Variants in STIP1 observed in about 807,000 individuals in gnomAD.
STIP1 encodes stress induced phosphoprotein 1.
In STIP1, 16 loss-of-function variants were observed where a neutral mutation model predicts 77.4. The observed-to-expected ratio is 0.21, with a 90% CI of 0.14 to 0.31. STIP1 has a LOEUF of 0.31. Ranked by LOEUF, STIP1 falls within the 10% of genes least tolerant of loss-of-function variation. The pLI is 1.00. For synonymous variants in STIP1, 258 were observed against 246.6 expected, an observed-to-expected ratio of 1.05 and a Z score of -0.44; for missense variants, 524 against 684.8, an observed-to-expected ratio of 0.77 and a Z score of 2.62.
chr11:64,186,159 C>G, upstream of STIP1: 2 of 1,550,574 alleles, frequency 1.3e-6, no homozygotes, highest in South Asian at 1.2e-5. Flanking sequence ...GGGCGGGAGC[C>G]GGGGTCCCGG....
intron 4 of STIP1, among the ~76,000 whole-genome samples, chr11:64,195,002 T>C (rs1946132857): frequency 6.6e-6 from 1 of 152,228 alleles, no homozygotes; most frequent in East Asian, 1.9e-4. Flanking sequence ...CTATCAATCC[T>C]CTGGCTCCTG....
chr11:64,185,996 C>T (rs997332267), upstream of STIP1: 29 of 1,542,602 alleles, frequency 1.9e-5, no homozygotes, highest in East Asian at 4.9e-5. Context: ...GAGGAGCGCC[C>T]AATCCTGAGG....
At position 64,186,221 on chromosome 11, in the gene STIP1, G is replaced by C. The variant is rs200778249; in HGVS notation, c.-41G>C. 7.4e-4 allele frequency: 1,141 copies of C among 1,550,784 alleles called. 11 individuals are homozygous for C. Among genetic ancestry groups the C allele is most frequent in the Non-Finnish European group, 3.6e-4 (408 of 1,146,954 alleles). On this transcript the variant is annotated 5_prime_UTR_variant, in exon 1 of 14. Transcript: ENST00000305218. Reference sequence around the variant, plus strand: ...GCGCGTGCGGTTGGGAACGCGGAGCGGACGGATTCGATTCAACGGGGTTCC... The same window carrying C: ...GCGCGTGCGGTTGGGAACGCGGAGCCGACGGATTCGATTCAACGGGGTTCC...
chr11:64,186,727 G>A (rs1946024349), intron 1 of STIP1, among the ~76,000 whole-genome samples: 1 of 152,212 alleles, frequency 6.6e-6, no homozygotes, highest in Non-Finnish European at 1.5e-5. Context: ...TAGCCACGAG[G>A]AACTTGGACG....
At chr11:64,200,377 G>A in intron 10 of STIP1, 84 bp downstream of exon 10, 2 of 1,524,746 alleles carry the variant, frequency 1.3e-6, no homozygotes, top group South Asian at 2.6e-5. Context: ...TCAACATTGA[G>A]TTGATGATGA....
At chr11:64,186,019 AG>A, upstream of STIP1, 2 of 1,544,608 alleles carry the variant, frequency 1.3e-6, no homozygotes, top group Admixed American at 3.9e-5. Flanking sequence ...CGGGGGAGGC[AG>A]GGTTGAGGGA....
intron 13 of STIP1, chr11:64,203,823 G>A (rs1473985976): frequency 6.4e-5 from 50 of 781,648 alleles, no homozygotes; most frequent in Non-Finnish European, 8.7e-5. Flanking sequence ...ATTTGGAAAG[G>A]CCCATTTAGC....
chr11:64,188,059 GA>G (rs1472952009), intron 1 of STIP1, among the ~76,000 whole-genome samples: 1 of 144,172 alleles, frequency 6.9e-6, no homozygotes, highest in East Asian at 2.0e-4. Context: ...AAAAAAAAAG[GA>G]TCTCGGCTGG....
In STIP1 at chr11:64,197,845, C is replaced by A; in HGVS notation, c.903-9C>A. 6.2e-7 allele frequency: 1 copy of A among 1,610,964 alleles called. No individual in the cohort carries two copies. Among genetic ancestry groups the A allele is most frequent in the East Asian group, 2.2e-5 (1 of 44,874 alleles). On this transcript the variant is annotated splice_polypyrimidine_tract_variant and intron_variant, in intron 7 of 13. Coordinates refer to ENST00000305218, the MANE Select transcript of STIP1 (RefSeq NM_006819.3). The stretch of plus-strand genomic sequence containing the variant: ...TCCTAAGCAGTCCTTGTCCCTCTTT[C>A]TTTATCAGAGCATATGCTCGAATTG...
Position 64,197,342 on chromosome 11 carries a change from C to T in STIP1, c.744C>T (p.Tyr248=), listed in dbSNP as rs149149727. The change falls in exon 6 of 14, where the codon TAC becomes TAT. Residue 248 remains tyrosine, a synonymous_variant. Transcript: ENST00000305218. Reference sequence around the variant, plus strand: ...ACTTTGACACAGCCTTGAAGCATTACGACAAAGCCAAGGAGCTGGACCCCA... The same window carrying T: ...ACTTTGACACAGCCTTGAAGCATTATGACAAAGCCAAGGAGCTGGACCCCA... ...KKDFDTALKH[Y]DKAKELDPTN... 1,591 of 1,613,954 alleles carry T rather than the reference C, an allele frequency of 9.9e-4. 7 individuals carry two copies. In the African/African-American group the frequency reaches 0.017, roughly 18 times the overall value.
intron 1 of STIP1, among the ~76,000 whole-genome samples, chr11:64,188,603 C>T (rs1946055736): frequency 6.6e-6 from 1 of 152,138 alleles, no homozygotes; most frequent in African/African-American, 2.4e-5. Flanking sequence ...TCTCGAATTT[C>T]TAGGCTCAAG....
chr11:64,190,539 T>C (rs1011626909), intron 1 of STIP1, among the ~76,000 whole-genome samples: 2 of 152,180 alleles, frequency 1.3e-5, no homozygotes, highest in African/African-American at 4.8e-5. Context: ...GGTCTCGAAC[T>C]CCTGACCTCA....
rs560558719 is a variant in STIP1, at chr11:64,197,018, G to C, written c.673-253G>C. On this transcript the variant is annotated intron_variant, in intron 5 of 13. Transcript: ENST00000305218. The stretch of plus-strand genomic sequence containing the variant: ...GGGATTTCCTCTCCCCTAAAGAAGC[G>C]CTCTGCTTCCTGACAAAGATCTAGG... 9 of 474,528 alleles carry C rather than the reference G, an allele frequency of 1.9e-5. No homozygotes were observed. In the East Asian group the frequency reaches 3.2e-4, roughly 17 times the overall value. 29.4% of individuals were successfully genotyped at this position (474,528 alleles called of 1,614,324 possible).
At chr11:64,203,928 C>G in intron 13 of STIP1, 126 bp from the exon 14 acceptor site, 1 of 1,176,228 alleles carries the variant, frequency 8.5e-7, no homozygotes, top group Admixed American at 2.0e-5. Context: ...GCTCGGCGCC[C>G]CGGGCCTCGC....
At chr11:64,185,728 CG>C, upstream of STIP1, 2 of 1,476,166 alleles carry the variant, frequency 1.4e-6, no homozygotes, top group Non-Finnish European at 1.8e-6. Context: ...GGGCGAAACC[CG>C]GCCTTTTGAA....
At chr11:64,185,832 C>G, upstream of STIP1, 5 of 1,536,108 alleles carry the variant, frequency 3.3e-6, no homozygotes, top group Non-Finnish European at 3.5e-6. Context: ...GACATGGAGT[C>G]CGGCAGCCCA....
Position 64,197,559 on chromosome 11 carries a change from G to A in STIP1, c.866G>A (p.Gly289Glu). The change falls in exon 7 of 14, where the codon GGG becomes GAG. Residue 289 changes from glycine (G) to glutamate (E), a missense_variant. Coordinates refer to ENST00000305218, the MANE Select transcript of STIP1 (RefSeq NM_006819.3). The part of the protein sequence containing the change: ...RELCEKAIEV[G>E]RENREDYRQI... Reference sequence around the variant, plus strand: ...CTTTGTGAGAAGGCCATTGAAGTGGGGAGAGAAAACCGAGAAGACTATCGA... The same window carrying A: ...CTTTGTGAGAAGGCCATTGAAGTGGAGAGAGAAAACCGAGAAGACTATCGA... 6.2e-7 allele frequency: 1 copy of A among 1,614,148 alleles called. No homozygotes were observed. The highest frequency in any genetic ancestry group is 8.5e-7 in the Non-Finnish European group (1 of 1,180,024).
rs781006304 is a variant in STIP1 at position 64,203,133 on chromosome 11, T to C, written c.1291T>C (p.Tyr431His). Residue 431 changes from tyrosine (Y) to histidine (H), a missense_variant, in exon 12 of 14, where the codon TAT (tyrosine) becomes CAT (histidine). By Grantham distance (83) the Tyr-to-His change is moderately conservative (BLOSUM62 2). Coordinates refer to ENST00000305218, the MANE Select transcript of STIP1 (RefSeq NM_006819.3). ...IQLEPTFIKG[Y>H]TRKAAALEAM... ...ACCTTTCCTGTTTGTAGTCAAGGGT[T>C]ATACACGGAAAGCCGCTGCGCTGGA... The C allele has an allele frequency of 5.6e-6, 9 of 1,614,184 alleles. No individual in the cohort carries two copies. The highest frequency in any genetic ancestry group is 7.6e-6 in the Non-Finnish European group (9 of 1,180,038).
At position 64,195,600 on chromosome 11, in the gene STIP1, G is replaced by A. The variant is rs755474595; in HGVS notation, c.504-45G>A. The stretch of plus-strand genomic sequence containing the variant: ...TGGGAGTTAAAAGACTAATTGTGGG[G>A]AGGAGTAATTACAATTTTTCTTTAT... On this transcript the variant is annotated intron_variant, in intron 4 of 13. Transcript: ENST00000305218. 6.6e-6 allele frequency: 10 copies of A among 1,505,164 alleles called. No individual in the cohort carries two copies. The South Asian group carries it at 1.0e-4, about 15-fold the overall frequency. 93.2% of individuals were successfully genotyped at this position (1,505,164 alleles called of 1,614,324 possible). A position where few individuals can be genotyped will look rare whatever the true frequency, so the allele number is the denominator to read the frequency against.
Sources: allele counts gnomAD v4.1 joint callset (sites outside exome capture counted in the v4.1 genomes callset), GRCh38; gene constraint gnomAD v4.1.1; transcripts MANE v1.5; gene names NCBI Gene and HGNC (gene_info 2026-07-23, HGNC 2026-07-21).